WDR49: variants seen among roughly 807,000 people sequenced by gnomAD.
WDR49 encodes the protein cilia- and flagella-associated protein 337.
WDR49 carries 107 observed loss-of-function variants against 119.5 expected under a neutral mutation model. That is an observed-to-expected ratio of 0.90 (90% CI 0.77 to 1.05). The LOEUF (loss-of-function observed/expected upper bound fraction) is 1.05. Among genes scored for constraint, WDR49 ranks in the 50% least tolerant of loss-of-function variants. The pLI is 0.00. For synonymous variants in WDR49, 425 were observed against 418.8 expected (o/e 1.01, Z -0.18); for missense variants, 1,240 against 1,220.5 (o/e 1.02, Z -0.24).
chr3:167,595,899 C>T (rs1328379767), intron 7 of WDR49, among the ~76,000 whole-genome samples: 3 of 150,226 alleles, frequency 2.0e-5, no homozygotes, highest in Non-Finnish European at 3.0e-5. Flanking sequence ...AGCTTCTGCA[C>T]AGCAAAAGAA....
intron 18 of WDR49, among the ~76,000 whole-genome samples, chr3:167,486,298 C>A (rs78129571): frequency 0.02 from 3,117 of 152,184 alleles, 101 homozygotes; most frequent in African/African-American, 0.072. Flanking sequence ...ACCACAAAAA[C>A]ACACTTAAGT....
At chr3:167,600,706 C>T (rs946180428) in intron 7 of WDR49, among the ~76,000 whole-genome samples, 4 of 152,082 alleles carry the variant, frequency 2.6e-5, no homozygotes, top group African/African-American at 9.7e-5. Flanking sequence ...CAGAAAGAAA[C>T]ACCTACGTCT....
chr3:167,650,649 C>T lies in WDR49; in HGVS notation c.165+2612G>A, dbSNP rs557073754. ...CTTCCACAACTAATAGGAATGAAGA[C>T]GCATAGCAGCAAGTGTCACTTGAAG... On this transcript the variant is annotated intron_variant, in intron 2 of 18. Coordinates refer to ENST00000682715, the MANE Select transcript of WDR49 (RefSeq NM_001366157.1). Among the ~76,000 whole-genome samples, 208 of 152,242 alleles carry T rather than the reference C, an allele frequency of 1.4e-3. 1 individual carries two copies. The highest frequency in any genetic ancestry group is 4.6e-3 in the African/African-American group (191 of 41,554).
intron 10 of WDR49, among the ~76,000 whole-genome samples, chr3:167,553,651 T>C (rs2108264818): frequency 6.6e-6 from 1 of 152,252 alleles, no homozygotes; most frequent in Admixed American, 6.5e-5. Context: ...TAGCGATCAT[T>C]AGATCATAGA....
chr3:167,562,102 G>A (rs1713300131), intron 8 of WDR49, among the ~76,000 whole-genome samples: 1 of 152,094 alleles, frequency 6.6e-6, no homozygotes, highest in South Asian at 2.1e-4. Context: ...CAGTTTTACT[G>A]GGAGAGGGCC....
chr3:167,602,762 T>C (rs1715843771), intron 6 of WDR49, among the ~76,000 whole-genome samples: 1 of 152,158 alleles, frequency 6.6e-6, no homozygotes, highest in African/African-American at 2.4e-5. Context: ...ATGCATTTCA[T>C]AACATTTCAG....
intron 10 of WDR49, among the ~76,000 whole-genome samples, chr3:167,547,914 G>A (rs1194097031): frequency 6.6e-6 from 1 of 151,932 alleles, no homozygotes; most frequent in African/African-American, 2.4e-5. Context: ...AATACAAAAA[G>A]CCTTTTCAAC....
At chr3:167,500,999 C>A (rs1751539362) in intron 17 of WDR49, among the ~76,000 whole-genome samples, 1 of 152,180 alleles carries the variant, frequency 6.6e-6, no homozygotes, top group South Asian at 2.1e-4. Flanking sequence ...TGCTATGGAA[C>A]AAGTCAGGTT....
intron 7 of WDR49, among the ~76,000 whole-genome samples, chr3:167,577,776 C>A (rs1254905632): frequency 6.6e-6 from 1 of 152,064 alleles, no homozygotes; most frequent in Non-Finnish European, 1.5e-5. Flanking sequence ...AAGATAGTTT[C>A]TGTTTAGATG....
At chr3:167,645,437 T>C (rs1360901127) in intron 2 of WDR49, among the ~76,000 whole-genome samples, 1 of 152,104 alleles carries the variant, frequency 6.6e-6, no homozygotes, top group East Asian at 1.9e-4. Flanking sequence ...CTTGAACTCC[T>C]GACCTCAAGT....
intron 9 of WDR49, among the ~76,000 whole-genome samples, chr3:167,555,604 C>G (rs146243487): frequency 5.8e-4 from 89 of 152,256 alleles, no homozygotes; most frequent in African/African-American, 2.1e-3. Context: ...GGATCTGACT[C>G]TATCTCCAAG....
chr3:167,486,554 A>G (rs1177393215), intron 18 of WDR49, among the ~76,000 whole-genome samples: 2 of 152,160 alleles, frequency 1.3e-5, no homozygotes, highest in Admixed American at 6.6e-5. Context: ...AAAGAAATAG[A>G]CAAAGTTGTC....
intron 10 of WDR49, among the ~76,000 whole-genome samples, chr3:167,542,646 G>C (rs1462895243): frequency 6.6e-6 from 1 of 151,912 alleles, no homozygotes; most frequent in Non-Finnish European, 1.5e-5. Flanking sequence ...CTGGTGCTAG[G>C]GTAGAAAGTT....
intron 17 of WDR49, among the ~76,000 whole-genome samples, chr3:167,501,226 A>G (rs147024553): frequency 3.3e-5 from 5 of 152,358 alleles, no homozygotes; most frequent in Non-Finnish European, 7.3e-5. Context: ...AAATTAGAGA[A>G]GAAATCTTCA....
intron 2 of WDR49, among the ~76,000 whole-genome samples, chr3:167,630,354 A>T (rs11922116): frequency 0.012 from 1,874 of 152,226 alleles, 32 homozygotes; most frequent in African/African-American, 0.043. Context: ...ACTTTTTTAG[A>T]TATGTGCTAT....
chr3:167,568,452 A>T (rs1475901789), intron 8 of WDR49, among the ~76,000 whole-genome samples: 2 of 152,202 alleles, frequency 1.3e-5, no homozygotes, highest in African/African-American at 2.4e-5. Flanking sequence ...TTTCAATACG[A>T]GGTAAAAAGG....
At chr3:167,567,591 G>A (rs992420521) in intron 8 of WDR49, among the ~76,000 whole-genome samples, 3 of 152,050 alleles carry the variant, frequency 2.0e-5, no homozygotes, top group African/African-American at 4.8e-5. Context: ...CTTTCATGAC[G>A]TTCTCTCTAC....
chr3:167,602,236 G>A lies in WDR49; in HGVS notation c.1166C>T (p.Pro389Leu), dbSNP rs576853174. Residue 389 changes from proline to leucine, a missense_variant, in exon 7 of 19, where the codon CCC becomes CTC. Pro to Leu is a moderately conservative substitution (Grantham distance 98, BLOSUM62 -3). Coordinates refer to ENST00000682715, the MANE Select transcript of WDR49 (RefSeq NM_001366157.1). ...ACCCACTGGTTTAGAGACAACATAG[G>A]GATTCCAAAGGCAAACTTTATTGTT... is the stretch of plus-strand genomic sequence containing the variant. ...GINNKVCLWN[P>L]YVVSKPVGVL... The A allele has an allele frequency of 5.6e-6, 9 of 1,594,264 alleles. No individual in the cohort carries two copies. In the East Asian group the frequency reaches 6.7e-5, roughly 12 times the overall value.
intron 10 of WDR49, among the ~76,000 whole-genome samples, chr3:167,545,960 T>C (rs1452327682): frequency 1.3e-5 from 2 of 151,806 alleles, no homozygotes; most frequent in African/African-American, 4.8e-5. Context: ...ACAAATAAGG[T>C]AATTTGAAGT....
Sources: gnomAD v4.1 joint callset for allele counts (sites outside exome capture counted in the v4.1 genomes callset) on GRCh38, gnomAD v4.1.1 for gene constraint, MANE v1.5 for transcripts, NCBI Gene and HGNC (gene_info 2026-07-23, HGNC 2026-07-21) for gene names.